The following DLGAP4 variants were observed in gnomAD, a reference collection of about 807,000 sequenced individuals.
The protein encoded by DLGAP4 is disks large-associated protein 4.
DLGAP4 carries 18 observed loss-of-function variants against 86.9 expected under a neutral mutation model. The ratio of observed to expected loss-of-function variants is 0.21; its 90% CI spans 0.14 to 0.31. The LOEUF (loss-of-function observed/expected upper bound fraction) is 0.31. DLGAP4 is among the 10% of genes least tolerant of loss of function. The probability of loss-of-function intolerance (pLI) is 1.00; values close to 1 mark genes in which losing one functional copy is unlikely to be tolerated. For missense variants in DLGAP4, 1,085 were observed against 1,362.6 expected, an observed-to-expected ratio of 0.80 and a Z score of 3.21; for synonymous variants, 548 against 574.3, an observed-to-expected ratio of 0.95 and a Z score of 0.65.
chr20:36,491,870 G>A (rs2035678885), intron 7 of DLGAP4, among the ~76,000 whole-genome samples: 1 of 152,196 alleles, frequency 6.6e-6, no homozygotes, highest in African/African-American at 2.4e-5. Context: ...TGTGCTTGAG[G>A]CATAACCCCA....
chr20:36,455,301 C>G (rs2033851723), intron 7 of DLGAP4, among the ~76,000 whole-genome samples: 1 of 152,028 alleles, frequency 6.6e-6, no homozygotes, highest in African/African-American at 2.4e-5. Flanking sequence ...CCTTCCCTCT[C>G]AGTTTCTGGC....
At chr20:36,499,736 C>T in intron 9 of DLGAP4, 60 bp downstream of exon 9, 1 of 1,447,498 alleles carries the variant, frequency 6.9e-7, no homozygotes, top group Non-Finnish European at 9.6e-7. Context: ...TCCGCTCTCA[C>T]CTCTCCTGCT....
intron 1 of DLGAP4, among the ~76,000 whole-genome samples, chr20:36,346,053 A>G (rs1411686913): frequency 6.6e-6 from 1 of 151,726 alleles, no homozygotes; most frequent in Non-Finnish European, 1.5e-5. Flanking sequence ...CACCATGCCC[A>G]CCCTCACATT....
chr20:36,347,224 G>A (rs1009654869), intron 1 of DLGAP4, among the ~76,000 whole-genome samples: 2 of 152,210 alleles, frequency 1.3e-5, no homozygotes, highest in African/African-American at 4.8e-5. Context: ...CTGGGCCAGA[G>A]GGTCATTCAG....
At chr20:36,374,044 A>AG (rs959987367) in intron 2 of DLGAP4, among the ~76,000 whole-genome samples, 4 of 151,548 alleles carry the variant, frequency 2.6e-5, no homozygotes, top group Admixed American at 2.6e-4. Context: ...AAAAAAAAAA[A>AG]AAAAAGAAAA....
chr20:36,500,260 G>A lies in DLGAP4; in HGVS notation c.2161G>A (p.Ala721Thr). 1 of 1,611,028 alleles carries A rather than the reference G, an allele frequency of 6.2e-7. No homozygotes were observed. The highest frequency in any genetic ancestry group is 8.5e-7 in the Non-Finnish European group (1 of 1,178,548). ...RRDTDSDTQD[A>T]NDSSCKSSER... is the part of the protein sequence containing the mutation. ...GGACACAGACTCGGATACCCAGGAT[G>A]CCAATGACTCAAGCTGTAAGTCATC... is the stretch of plus-strand genomic sequence containing the variant. Residue 721 changes from alanine (A) to threonine (T), a missense_variant, in exon 10 of 13, where the codon GCC becomes ACC. Around this residue, in one of 2 missense-constraint regions of DLGAP4, gnomAD observed 1,082 missense variants for 1,344.1 expected, o/e 0.81. Coordinates refer to ENST00000339266, the MANE Select transcript of DLGAP4 (RefSeq NM_001365621.2). This position sits in a 1 kb window ranked among gnomAD's most constrained non-coding sequence, Gnocchi z 4.6.
rs188194131 is a variant in DLGAP4 at position 36,365,478 on chromosome 20, G to T, written c.-303-1567G>T. On this transcript the variant is annotated intron_variant, in intron 1 of 12. Transcript: ENST00000339266. ...GCTCCTTAACACTTTTATTCAGGTG[G>T]CTATGCCTGTTTTTCTTGGTTTGGT... 1.3e-3 allele frequency among the ~76,000 whole-genome samples: 202 copies of T among 152,286 alleles called. 1 individual carries two copies. Among genetic ancestry groups the T allele is most frequent in the Non-Finnish European group, 3.7e-4 (25 of 68,026 alleles).
intron 6 of DLGAP4, among the ~76,000 whole-genome samples, chr20:36,444,725 C>T (rs1209815208): frequency 1.3e-5 from 2 of 152,254 alleles, no homozygotes; most frequent in East Asian, 3.9e-4. Flanking sequence ...ACTGCAACCT[C>T]CTCCTCCAGG....
chr20:36,465,483 C>T (rs1436967438), intron 7 of DLGAP4: 1 of 152,490 alleles, frequency 6.6e-6, no homozygotes, highest in African/African-American at 2.4e-5. Context: ...CGCAGCGTTT[C>T]TCCAGGTTTA....
In DLGAP4 at chr20:36,370,884, C is replaced by T. The variant is rs184459102; in HGVS notation, c.-73+3609C>T. Among the ~76,000 whole-genome samples, 7 of 152,340 alleles carry T rather than the reference C, an allele frequency of 4.6e-5. No homozygotes were observed. The East Asian group carries it at 1.2e-3, about 25-fold the overall frequency. ...AAACGCCATCCAGGTGAGACAGGGTCAGACCCACCTGTGAACTCACTGGAT... is the reference window on the plus strand; with the variant it reads ...AAACGCCATCCAGGTGAGACAGGGTTAGACCCACCTGTGAACTCACTGGAT... On this transcript the variant is annotated intron_variant, in intron 2 of 12. Transcript: ENST00000339266.
intron 6 of DLGAP4, 128 bp from the exon 7 acceptor site, chr20:36,446,569 T>G (rs2033596647): frequency 1.2e-6 from 1 of 810,540 alleles, no homozygotes; most frequent in South Asian, 1.8e-5. Context: ...CTGAGTGAGA[T>G]GGACAGGGGT....
chr20:36,481,494 G>T (rs571698096), intron 7 of DLGAP4, among the ~76,000 whole-genome samples: 1 of 152,136 alleles, frequency 6.6e-6, no homozygotes, highest in African/African-American at 2.4e-5. Flanking sequence ...TGACAAGTCC[G>T]TCCCAGACAC....
chr20:36,410,714 A>G lies in DLGAP4; in HGVS notation c.-72-20932A>G, dbSNP rs1028599286. On this transcript the variant is annotated intron_variant, in intron 2 of 12. Coordinates refer to ENST00000339266, the MANE Select transcript of DLGAP4 (RefSeq NM_001365621.2). ...CTACCAGAGTGAGAATTCACTCATCACTATGGGAATGGTGCTAAGCCATTC... is the reference window on the plus strand; with the variant it reads ...CTACCAGAGTGAGAATTCACTCATCGCTATGGGAATGGTGCTAAGCCATTC... Among the ~76,000 whole-genome samples the G allele has an allele frequency of 2.2e-4, 33 of 152,104 alleles. 1 individual carries two copies. Among genetic ancestry groups the G allele is most frequent in the African/African-American group, 7.5e-4 (31 of 41,410 alleles).
intron 1 of DLGAP4, among the ~76,000 whole-genome samples, chr20:36,320,177 CCTCTGTGCCCCT>C (rs2065153731): frequency 1.6e-5 from 2 of 123,606 alleles, no homozygotes; most frequent in African/African-American, 3.0e-5. Context: ...CCCAGGCCCC[CCTCTGTGCCCCT>C]CTCCCCCGGG....
At chr20:36,434,208 G>T (rs1035065303) in intron 3 of DLGAP4, among the ~76,000 whole-genome samples, 2 of 152,120 alleles carry the variant, frequency 1.3e-5, no homozygotes, top group Non-Finnish European at 2.9e-5. Flanking sequence ...CTCCCAAAGT[G>T]CTGGGATTAC....
At position 36,383,347 on chromosome 20, in the gene DLGAP4, G is replaced by A. The variant is rs370155058; in HGVS notation, c.-73+16072G>A. On this transcript the variant is annotated intron_variant, in intron 2 of 12. Coordinates refer to ENST00000339266, the MANE Select transcript of DLGAP4 (RefSeq NM_001365621.2). ...CGGCCTCAGGGATGAGTGATGGAGT[G>A]GGACAGGCTGAAGGATCAGCAGTGT... Among the ~76,000 whole-genome samples the A allele has an allele frequency of 4.6e-5, 7 of 152,306 alleles. No individual in the cohort carries two copies. The South Asian group carries it at 1.5e-3, about 32-fold the overall frequency.
chr20:36,425,718 T>G (rs147427900), intron 2 of DLGAP4, among the ~76,000 whole-genome samples: 21,771 of 151,946 alleles, frequency 0.14, 1,678 homozygotes, highest in African/African-American at 0.19. Flanking sequence ...CTACTCGGGT[T>G]GCTGAGGCAG....
At chr20:36,382,766 A>G (rs1243232347) in intron 2 of DLGAP4, among the ~76,000 whole-genome samples, 1 of 151,574 alleles carries the variant, frequency 6.6e-6, no homozygotes, top group African/African-American at 2.4e-5. Flanking sequence ...CTGACCTCAA[A>G]CCATCCACCC....
intron 1 of DLGAP4, among the ~76,000 whole-genome samples, chr20:36,349,515 A>C (rs942898451): frequency 2.0e-5 from 3 of 152,156 alleles, no homozygotes; most frequent in Non-Finnish European, 4.4e-5. Context: ...TGAATGAAGT[A>C]AGGGACAAGC....
Sources: gnomAD v4.1 joint callset for allele counts (sites outside exome capture counted in the v4.1 genomes callset) on GRCh38, gnomAD v4.1.1 for gene constraint, gnomAD v4.1.1 regional missense constraint, Gnocchi (gnomAD v3.1) non-coding constraint, MANE v1.5 for transcripts, NCBI Gene and HGNC (gene_info 2026-07-23, HGNC 2026-07-21) for gene names.